The following PARD3 variants were observed in gnomAD, a reference collection of about 807,000 sequenced individuals.
PARD3 encodes the protein partitioning defective 3 homolog.
PARD3 carries 75 observed loss-of-function variants against 155.4 expected under a neutral mutation model. The ratio of observed to expected loss-of-function variants is 0.48; its 90% CI spans 0.40 to 0.58. The LOEUF (loss-of-function observed/expected upper bound fraction) is 0.58. Among genes scored for constraint, PARD3 ranks in the 20% least tolerant of loss-of-function variants. PARD3 has a pLI of 0.00. For synonymous variants in PARD3, 576 were observed against 610.5 expected (o/e 0.94, Z 0.83); for missense variants, 1,642 against 1,721.7 (o/e 0.95, Z 0.82).
At chr10:34,624,510 C>T (rs572712607) in intron 2 of PARD3, among the ~76,000 whole-genome samples, 431 of 152,298 alleles carry the variant, frequency 2.8e-3, no homozygotes, top group Non-Finnish European at 4.8e-3. Flanking sequence ...ACTTCAGGGT[C>T]GGGTGAGGCC....
intron 5 of PARD3, among the ~76,000 whole-genome samples, chr10:34,448,527 C>G (rs918252666): frequency 2.0e-5 from 3 of 152,150 alleles, no homozygotes; most frequent in Non-Finnish European, 4.4e-5. Flanking sequence ...AAGCTAGGCA[C>G]AGTGGCTCAT....
intron 22 of PARD3, among the ~76,000 whole-genome samples, chr10:34,149,231 G>GT (rs1948667507): frequency 1.3e-5 from 2 of 152,082 alleles, no homozygotes; most frequent in African/African-American, 4.8e-5. Flanking sequence ...TGATTTTGCA[G>GT]TTTTAGGTAG....
intron 3 of PARD3, among the ~76,000 whole-genome samples, chr10:34,510,633 A>G (rs1156350712): frequency 1.3e-5 from 2 of 152,200 alleles, no homozygotes; most frequent in African/African-American, 2.4e-5. Flanking sequence ...GTTCAAAGAG[A>G]AAAGTAATTA....
chr10:34,447,721 C>T (rs2076823696), intron 5 of PARD3, among the ~76,000 whole-genome samples: 2 of 150,768 alleles, frequency 1.3e-5, no homozygotes, highest in African/African-American at 2.5e-5. Context: ...AGGGGAATTG[C>T]TTGAACCCAG....
chr10:34,695,739 G>A (rs529037462), intron 2 of PARD3, among the ~76,000 whole-genome samples: 7 of 152,150 alleles, frequency 4.6e-5, no homozygotes, highest in Non-Finnish European at 7.3e-5. Flanking sequence ...AGAAAAGGCC[G>A]AGCTTCCTGA....
At chr10:34,474,729 A>G (rs2078595715) in intron 3 of PARD3, among the ~76,000 whole-genome samples, 1 of 152,206 alleles carries the variant, frequency 6.6e-6, no homozygotes, top group African/African-American at 2.4e-5. Context: ...ACAAATCACA[A>G]ATTATGAAAT....
chr10:34,120,347 AC>A (rs1347545770), intron 23 of PARD3, among the ~76,000 whole-genome samples: 2 of 151,954 alleles, frequency 1.3e-5, no homozygotes, highest in African/African-American at 4.8e-5. Flanking sequence ...GACATAAGAC[AC>A]CATTTACCTC....
At chr10:34,692,217 A>G (rs1396543178) in intron 2 of PARD3, among the ~76,000 whole-genome samples, 4 of 132,356 alleles carry the variant, frequency 3.0e-5, no homozygotes, top group Non-Finnish European at 4.8e-5. Context: ...GGGTGATAAG[A>G]GCGAGACTTC....
chr10:34,313,750 G>T (rs1252871286), intron 20 of PARD3, among the ~76,000 whole-genome samples: 1 of 152,146 alleles, frequency 6.6e-6, no homozygotes, highest in African/African-American at 2.4e-5. Flanking sequence ...TGTATGAGTG[G>T]GAGTTGCAGG....
At chr10:34,125,064 T>C (rs558400287) in intron 23 of PARD3, among the ~76,000 whole-genome samples, 1 of 149,562 alleles carries the variant, frequency 6.7e-6, no homozygotes, top group South Asian at 2.1e-4. Context: ...TCCAGGTCTA[T>C]TTCTTTCTTT....
At chr10:34,723,392 A>G (rs1010332850) in intron 1 of PARD3, among the ~76,000 whole-genome samples, 5 of 152,200 alleles carry the variant, frequency 3.3e-5, no homozygotes, top group Non-Finnish European at 7.3e-5. Flanking sequence ...GCCACCAATG[A>G]TGGCTGAAAC....
intron 14 of PARD3, among the ~76,000 whole-genome samples, chr10:34,352,953 C>T (rs947650128): frequency 2.6e-5 from 4 of 151,592 alleles, no homozygotes; most frequent in African/African-American, 4.8e-5. Context: ...GCCTCTGCCC[C>T]GCCGCCCCAT....
At chr10:34,411,011 A>G (rs1458547024) in intron 5 of PARD3, among the ~76,000 whole-genome samples, 1 of 152,220 alleles carries the variant, frequency 6.6e-6, no homozygotes, top group Non-Finnish European at 1.5e-5. Context: ...TAAGAGTAAT[A>G]CAATTTCTCA....
chr10:34,388,047 C>T (rs543935295), intron 7 of PARD3, among the ~76,000 whole-genome samples: 8 of 152,222 alleles, frequency 5.3e-5, no homozygotes, highest in African/African-American at 1.7e-4. Flanking sequence ...AATCTCAGAT[C>T]TCAGATTCCT....
At chr10:34,659,060 G>A (rs2093256437) in intron 2 of PARD3, among the ~76,000 whole-genome samples, 1 of 152,148 alleles carries the variant, frequency 6.6e-6, no homozygotes, top group African/African-American at 2.4e-5. Context: ...GTAAGGCAAT[G>A]CAAGCGCACA....
intron 23 of PARD3, among the ~76,000 whole-genome samples, chr10:34,123,732 C>T (rs113895911): frequency 5.9e-5 from 9 of 152,034 alleles, no homozygotes; most frequent in African/African-American, 9.6e-5. Flanking sequence ...TGGTCTCATA[C>T]GGTGTTTTAT....
At chr10:34,713,821 C>T (rs539673856) in intron 1 of PARD3, among the ~76,000 whole-genome samples, 14 of 152,100 alleles carry the variant, frequency 9.2e-5, no homozygotes, top group Admixed American at 8.5e-4. Flanking sequence ...AATAGGGTCA[C>T]GGACATCTCC....
chr10:34,551,961 A>C (rs1398034060), intron 2 of PARD3, among the ~76,000 whole-genome samples: 8 of 152,206 alleles, frequency 5.3e-5, no homozygotes, highest in Admixed American at 5.2e-4. Flanking sequence ...TTGACCCTAC[A>C]CAAAAAAGTA....
At chr10:34,525,352 C>T (rs1285810598) in intron 2 of PARD3, among the ~76,000 whole-genome samples, 1 of 152,194 alleles carries the variant, frequency 6.6e-6, no homozygotes, top group Non-Finnish European at 1.5e-5. Context: ...TAAAGACTAG[C>T]GAATGTTCCT....
Sources: allele counts gnomAD v4.1 joint callset (sites outside exome capture counted in the v4.1 genomes callset), GRCh38; gene constraint gnomAD v4.1.1; transcripts MANE v1.5; gene names NCBI Gene and HGNC (gene_info 2026-07-23, HGNC 2026-07-21).